The following FAM169A variants were observed in gnomAD, a reference collection of about 807,000 sequenced individuals.
The protein encoded by FAM169A is family with sequence similarity 169 member A, also known as soluble lamin-associated protein of 75 kDa.
Under a neutral mutation model 75.7 loss-of-function variants are expected in FAM169A, and 24 were observed. The ratio of observed to expected loss-of-function variants is 0.32; its 90% CI spans 0.23 to 0.45. The LOEUF is 0.45. Among genes scored for constraint, FAM169A ranks in the 20% least tolerant of loss-of-function variants. The pLI is 1.00. For synonymous variants in FAM169A, 271 were observed against 271.0 expected, an observed-to-expected ratio of 1.00 and a Z score of 0.00; for missense variants, 673 against 784.0, an observed-to-expected ratio of 0.86 and a Z score of 1.69.
At chr5:74,806,499 C>T (rs1746890592) in intron 6 of FAM169A, among the ~76,000 whole-genome samples, 1 of 151,468 alleles carries the variant, frequency 6.6e-6, no homozygotes, top group Non-Finnish European at 1.5e-5. Context: ...CTTACAAAGA[C>T]ACAAAAATCA....
intron 1 of FAM169A, among the ~76,000 whole-genome samples, chr5:74,864,060 T>C (rs1750176426): frequency 1.3e-5 from 2 of 152,340 alleles, no homozygotes; most frequent in Admixed American, 1.3e-4. Flanking sequence ...GGAAGCACGA[T>C]ATTTTTGCCA....
intron 8 of FAM169A, 77 bp from the exon 9 acceptor site, chr5:74,801,706 A>G: frequency 2.8e-6 from 3 of 1,082,628 alleles, no homozygotes; most frequent in Non-Finnish European, 4.1e-6. Context: ...TTATAGTTTC[A>G]AAGAAAAACT....
At chr5:74,854,796 T>C (rs543458580) in intron 1 of FAM169A, among the ~76,000 whole-genome samples, 2 of 152,354 alleles carry the variant, frequency 1.3e-5, no homozygotes, top group East Asian at 1.9e-4. Context: ...CTCATTCCTT[T>C]TTATGTCTGA....
In FAM169A at chr5:74,804,608, G is replaced by A. The variant is rs1293260278; in HGVS notation, c.800-3C>T. On this transcript the variant is annotated splice_polypyrimidine_tract_variant and splice_region_variant and intron_variant, in intron 7 of 12. Coordinates refer to ENST00000687041, the MANE Select transcript of FAM169A (RefSeq NM_001376049.1). Reference sequence around the variant, plus strand: ...TTTAGGTTCATTTTGAGAAAGTGCTGCGTATAGAAGAATTTTAAAAACTGT... The same window carrying A: ...TTTAGGTTCATTTTGAGAAAGTGCTACGTATAGAAGAATTTTAAAAACTGT... 3.3e-6 allele frequency: 5 copies of A among 1,504,628 alleles called. No individual in the cohort carries two copies. The East Asian group carries it at 6.8e-5, about 20-fold the overall frequency. 93.2% of individuals were successfully genotyped at this position (1,504,628 alleles called of 1,614,324 possible).
Position 74,821,705 on chromosome 5 carries a change from C to T in FAM169A, c.491-7686G>A, listed in dbSNP as rs149451621. Among the ~76,000 whole-genome samples the T allele has an allele frequency of 5.9e-5, 9 of 152,310 alleles. No individual in the cohort carries two copies. The East Asian group carries it at 1.7e-3, about 29-fold the overall frequency. ...TTTTTTGTTCAAATTAACAGTTACA[C>T]GTTCCTGGGAAGTGGATGGTTTCCT... On this transcript the variant is annotated intron_variant, in intron 5 of 12. Transcript: ENST00000687041.
chr5:74,789,807 AG>A (rs767016500), intron 11 of FAM169A, among the ~76,000 whole-genome samples: 2 of 152,238 alleles, frequency 1.3e-5, no homozygotes, highest in Non-Finnish European at 2.9e-5. Flanking sequence ...GGTGAATCGC[AG>A]TGGAGGCCTC....
intron 3 of FAM169A, 86 bp from the exon 4 acceptor site, chr5:74,839,136 C>T: frequency 2.2e-6 from 2 of 902,222 alleles, no homozygotes; most frequent in South Asian, 1.4e-5. Context: ...ATAAAGTATC[C>T]ATATACTTTA....
In FAM169A at chr5:74,818,803, C is replaced by CTATATA. The variant is rs58520219; in HGVS notation, c.491-4790_491-4785dup. Among the ~76,000 whole-genome samples the CTATATA allele has an allele frequency of 2.7e-3, 325 of 121,618 alleles. 1 individual carries two copies. Among genetic ancestry groups the CTATATA allele is most frequent in the African/African-American group, 9.0e-3 (262 of 29,198 alleles). The allele number at this position is 121,618 out of a possible 152,430, so 79.8% of individuals were successfully genotyped here. On this transcript the variant is annotated intron_variant, in intron 5 of 12. Transcript: ENST00000687041. ...TCTCTCTCTCTCTCTCTCTCTCTCT[C>CTATATA]TATATATATATATATATATATGTCA...
At chr5:74,784,305 C>T (rs1362096755) in intron 11 of FAM169A, among the ~76,000 whole-genome samples, 1 of 151,446 alleles carries the variant, frequency 6.6e-6, no homozygotes, top group Non-Finnish European at 1.5e-5. Flanking sequence ...ACAGAAAAAA[C>T]AAGAAACCAG....
In FAM169A at chr5:74,781,834, C is replaced by A; in HGVS notation, c.1639G>T (p.Val547Leu). 6.2e-7 allele frequency: 1 copy of A among 1,614,088 alleles called. No individual in the cohort carries two copies. The highest frequency in any genetic ancestry group is 1.1e-5 in the South Asian group (1 of 91,084). ...ERSDGGFPNS[V>L]IAEFSEEPVS... ...GGTTCTTCGGAAAATTCAGCTATCACAGAGTTTGGAAAACCACCATCAGAT... is the reference window on the plus strand; with the variant it reads ...GGTTCTTCGGAAAATTCAGCTATCAAAGAGTTTGGAAAACCACCATCAGAT... The change falls in exon 13 of 13, where the codon GTG becomes TTG. Residue 547 changes from valine (V) to leucine (L), a missense_variant. Val to Leu is a conservative substitution (Grantham distance 32). Around this residue, in one of 3 missense-constraint regions of FAM169A, gnomAD observed 510 missense variants for 550.9 expected, o/e 0.93. Coordinates refer to ENST00000687041, the MANE Select transcript of FAM169A (RefSeq NM_001376049.1).
intron 11 of FAM169A, among the ~76,000 whole-genome samples, chr5:74,790,002 T>C (rs937525864): frequency 6.6e-6 from 1 of 152,158 alleles, no homozygotes; most frequent in Non-Finnish European, 1.5e-5. Context: ...AGTCATAAAG[T>C]GGGTCATGCA....
chr5:74,788,206 T>A (rs1324459862), intron 11 of FAM169A, among the ~76,000 whole-genome samples: 1 of 151,828 alleles, frequency 6.6e-6, no homozygotes. Flanking sequence ...TCTAATGGAG[T>A]TTTAGCTCAG....
chr5:74,805,780 T>C (rs529477911), intron 6 of FAM169A, among the ~76,000 whole-genome samples: 16 of 151,916 alleles, frequency 1.1e-4, no homozygotes, highest in South Asian at 4.1e-4. Context: ...AATAAAAAGA[T>C]TGTCAGACTC....
chr5:74,835,378 G>C (rs1025290892), intron 4 of FAM169A, among the ~76,000 whole-genome samples: 5 of 151,868 alleles, frequency 3.3e-5, no homozygotes, highest in Non-Finnish European at 7.4e-5. Flanking sequence ...GAGGTGGGTG[G>C]ATCGCTTGAG....
chr5:74,839,233 G>C (rs1462680759), intron 3 of FAM169A, among the ~76,000 whole-genome samples, 183 bp from the exon 4 acceptor site: 2 of 151,944 alleles, frequency 1.3e-5, no homozygotes, highest in Non-Finnish European at 2.9e-5. Flanking sequence ...CACTGATATG[G>C]TTTGGCTACA....
intron 11 of FAM169A, among the ~76,000 whole-genome samples, chr5:74,785,621 T>C (rs1027937627): frequency 1.6e-4 from 24 of 152,026 alleles, no homozygotes; most frequent in Admixed American, 1.5e-3. Flanking sequence ...AAAATTAGCC[T>C]GGCATGGTGG....
chr5:74,836,117 C>A (rs1425239068), intron 4 of FAM169A, among the ~76,000 whole-genome samples: 6 of 152,170 alleles, frequency 3.9e-5, no homozygotes, highest in Non-Finnish European at 7.3e-5. Context: ...TTTGAAGGTG[C>A]TGCTGAGACA....
chr5:74,832,641 TATATAA>T (rs1266826482), intron 5 of FAM169A, among the ~76,000 whole-genome samples: 4 of 149,160 alleles, frequency 2.7e-5, no homozygotes, highest in Non-Finnish European at 5.9e-5. Flanking sequence ...ATACTTTATA[TATATAA>T]ATATAACATT....
chr5:74,852,446 T>A (rs925370004), intron 1 of FAM169A, among the ~76,000 whole-genome samples: 7 of 152,152 alleles, frequency 4.6e-5, no homozygotes, highest in African/African-American at 9.7e-5. Flanking sequence ...AGTAGTCTTA[T>A]CTAACTTCAA....
Sources: gnomAD v4.1 joint callset for allele counts (sites outside exome capture counted in the v4.1 genomes callset) on GRCh38, gnomAD v4.1.1 for gene constraint, gnomAD v4.1.1 regional missense constraint, MANE v1.5 for transcripts, NCBI Gene and HGNC (gene_info 2026-07-23, HGNC 2026-07-21) for gene names.